CYP2C18: variants seen among roughly 807,000 people sequenced by gnomAD.
CYP2C18 encodes cytochrome P450 2C18.
A neutral mutation model predicts 41.3 loss-of-function variants in CYP2C18; 38 were observed. The observed-to-expected ratio is 0.92, with a 90% CI of 0.71 to 1.21. CYP2C18 has a LOEUF of 1.21. Ranked by LOEUF, CYP2C18 falls within the 50% of genes most tolerant of loss-of-function variation. The pLI is 0.00. For missense variants in CYP2C18, 635 were observed against 591.4 expected (o/e 1.07, Z -0.77); for synonymous variants, 236 against 210.0 (o/e 1.12, Z -1.07).
rs571078555 is a variant in CYP2C18 at position 94,735,644 on chromosome 10, T to C, written c.*200T>C. 83 of 598,548 alleles carry C rather than the reference T, an allele frequency of 1.4e-4. No individual in the cohort carries two copies. Among genetic ancestry groups the C allele is most frequent in the Admixed American group, 6.5e-4 (22 of 33,814 alleles). 37.1% of individuals were successfully genotyped at this position (598,548 alleles called of 1,614,324 possible). A position where few individuals can be genotyped will look rare whatever the true frequency, so the allele number is the denominator to read the frequency against. On this transcript the variant is annotated 3_prime_UTR_variant, in exon 9 of 9. Coordinates refer to ENST00000285979, the MANE Select transcript of CYP2C18 (RefSeq NM_000772.3). ...GGTCACTTCCTAAATATATCTGCTATTCTCCATACTCTGTATCACTTGTAT... is the reference window on the plus strand; with the variant it reads ...GGTCACTTCCTAAATATATCTGCTACTCTCCATACTCTGTATCACTTGTAT...
At chr10:94,714,772 A>G (rs1025793179) in intron 5 of CYP2C18, among the ~76,000 whole-genome samples, 2 of 152,188 alleles carry the variant, frequency 1.3e-5, no homozygotes, top group African/African-American at 4.8e-5. Context: ...CTTGGGAAGT[A>G]TGGCCATTTT....
At chr10:94,689,764 ATTT>A (rs1182978406) in intron 3 of CYP2C18, among the ~76,000 whole-genome samples, 1 of 152,034 alleles carries the variant, frequency 6.6e-6, no homozygotes, top group Non-Finnish European at 1.5e-5. Flanking sequence ...TGCTCTGAAT[ATTT>A]TTTATTTGGG....
rs1846835988 is a variant in CYP2C18 at position 94,683,987 on chromosome 10, T to C, written c.168T>C (p.Asn56=). 1 of 1,598,678 alleles carries C rather than the reference T, an allele frequency of 6.3e-7. No homozygotes were observed. The highest frequency in any genetic ancestry group is 8.5e-7 in the Non-Finnish European group (1 of 1,171,416). The part of the protein sequence containing the change: ...DVKDMSKSLT[N]FSKVYGPVFT... ...AGGACATGAGCAAATCCTTAACCAATGTAAGTATGCTTTATGTTCCTCCAG... is the reference window on the plus strand; with the variant it reads ...AGGACATGAGCAAATCCTTAACCAACGTAAGTATGCTTTATGTTCCTCCAG... Residue 56 remains asparagine (N), a splice_region_variant and synonymous_variant, in exon 1 of 9, where the codon AAT becomes AAC. Coordinates refer to ENST00000285979, the MANE Select transcript of CYP2C18 (RefSeq NM_000772.3).
chr10:94,696,225 A>G (rs1485400972), intron 4 of CYP2C18, among the ~76,000 whole-genome samples: 3 of 152,170 alleles, frequency 2.0e-5, no homozygotes, highest in Non-Finnish European at 4.4e-5. Context: ...ACTGGGAGGC[A>G]CACCCCAGTA....
rs1214278437 is a variant in CYP2C18, at chr10:94,707,034, C to A, written c.819+74C>A. On this transcript the variant is annotated intron_variant, in intron 5 of 8. Transcript: ENST00000285979. ...TATAACGATTGCTTAAATAGTGAGGCAAGAAACACTTCATGAGCACTTTAT... is the reference window on the plus strand; with the variant it reads ...TATAACGATTGCTTAAATAGTGAGGAAAGAAACACTTCATGAGCACTTTAT... 7 of 1,291,972 alleles carry A rather than the reference C, an allele frequency of 5.4e-6. No homozygotes were observed. In the Admixed American group the frequency reaches 1.3e-4, roughly 24 times the overall value. The allele number at this position is 1,291,972 out of a possible 1,614,324, so 80.0% of individuals were successfully genotyped here.
At chr10:94,705,358 T>C (rs1428152665) in intron 4 of CYP2C18, among the ~76,000 whole-genome samples, 1 of 152,080 alleles carries the variant, frequency 6.6e-6, no homozygotes, top group Non-Finnish European at 1.5e-5. Context: ...CTAGGGCCTG[T>C]CCGGGGTGTT....
chr10:94,719,975 G>T (rs1395997704), intron 5 of CYP2C18, among the ~76,000 whole-genome samples: 2 of 152,066 alleles, frequency 1.3e-5, no homozygotes, highest in Admixed American at 6.6e-5. Flanking sequence ...GCATCCCAAA[G>T]TGTTGGGATT....
At chr10:94,699,986 A>G (rs1847203246) in intron 4 of CYP2C18, among the ~76,000 whole-genome samples, 1 of 152,216 alleles carries the variant, frequency 6.6e-6, no homozygotes, top group Non-Finnish European at 1.5e-5. Context: ...GAGGACACAA[A>G]CAAATGGAGG....
intron 4 of CYP2C18, among the ~76,000 whole-genome samples, chr10:94,705,192 T>A (rs1307206660): frequency 6.6e-6 from 1 of 152,048 alleles, no homozygotes. Flanking sequence ...TAAAAAGGAA[T>A]GAGATTATGT....
intron 5 of CYP2C18, among the ~76,000 whole-genome samples, chr10:94,712,254 T>G (rs2134195092): frequency 6.6e-6 from 1 of 151,840 alleles, no homozygotes; most frequent in African/African-American, 2.4e-5. Context: ...TATATTCAAC[T>G]GGCTGTGCAA....
chr10:94,729,694 GA>G (rs1215645857), intron 7 of CYP2C18, among the ~76,000 whole-genome samples: 1 of 152,068 alleles, frequency 6.6e-6, no homozygotes, highest in East Asian at 1.9e-4. Flanking sequence ...GTGGCTAAGA[GA>G]ACTCAATTTC....
Position 94,695,250 on chromosome 10 carries a change from G to A in CYP2C18, c.642+173G>A, listed in dbSNP as rs150735398. Among the ~76,000 whole-genome samples the A allele has an allele frequency of 3.5e-3, 540 of 152,164 alleles. 2 individuals carry two copies. The highest frequency in any genetic ancestry group is 0.012 in the African/African-American group (513 of 41,524). On this transcript the variant is annotated intron_variant, in intron 4 of 8. Coordinates refer to ENST00000285979, the MANE Select transcript of CYP2C18 (RefSeq NM_000772.3). The stretch of plus-strand genomic sequence containing the variant: ...GGTGGTTTGCTGCACCCATTAACCC[G>A]TCATCTATATTAGGTATTTCTCCTA...
intron 1 of CYP2C18, among the ~76,000 whole-genome samples, chr10:94,685,177 G>A (rs554554849): frequency 2.0e-5 from 3 of 152,040 alleles, no homozygotes; most frequent in African/African-American, 7.2e-5. Flanking sequence ...GGGGCTACAG[G>A]TGTATGCCAC....
chr10:94,717,382 G>T (rs959356023), intron 5 of CYP2C18, among the ~76,000 whole-genome samples: 1 of 152,094 alleles, frequency 6.6e-6, no homozygotes, highest in Non-Finnish European at 1.5e-5. Context: ...GCATGGTGGT[G>T]ACAAAATCTC....
chr10:94,728,078 C>A (rs1286385603), intron 7 of CYP2C18, among the ~76,000 whole-genome samples: 3 of 152,024 alleles, frequency 2.0e-5, no homozygotes, highest in African/African-American at 4.8e-5. Context: ...AGTCAAGGAA[C>A]AAGCTTTTAA....
At chr10:94,723,284 T>C (rs1847677422) in intron 6 of CYP2C18, among the ~76,000 whole-genome samples, 1 of 152,092 alleles carries the variant, frequency 6.6e-6, no homozygotes, top group African/African-American at 2.4e-5. Context: ...GGAGATCTCA[T>C]GTAGGAGGAT....
chr10:94,714,580 G>A (rs1043802972), intron 5 of CYP2C18, among the ~76,000 whole-genome samples: 1 of 152,152 alleles, frequency 6.6e-6, no homozygotes, highest in Non-Finnish European at 1.5e-5. Flanking sequence ...GGTTACTGTA[G>A]CCTTGTAGTA....
In CYP2C18 at chr10:94,706,888, A is replaced by C. The variant is rs1364637940; in HGVS notation, c.747A>C (p.Lys249Asn). 1 of 1,612,822 alleles carries C rather than the reference A, an allele frequency of 6.2e-7. No individual in the cohort carries two copies. The highest frequency in any genetic ancestry group is 8.5e-7 in the Non-Finnish European group (1 of 1,179,308). ...YIKSYVLERI[K>N]EHQESLDMNS... Reference sequence around the variant, plus strand: ...AAAGTTATGTATTGGAGAGAATAAAAGAACATCAAGAATCCCTGGACATGA... The same window carrying C: ...AAAGTTATGTATTGGAGAGAATAAACGAACATCAAGAATCCCTGGACATGA... The change falls in exon 5 of 9, where the codon AAA (lysine) becomes AAC (asparagine). Residue 249 changes from lysine to asparagine, a missense_variant. Transcript: ENST00000285979.
At chr10:94,724,320 A>G (rs1197111849) in intron 6 of CYP2C18, 26 bp from the exon 7 acceptor site, 6 of 1,611,500 alleles carry the variant, frequency 3.7e-6, no homozygotes, top group Admixed American at 3.3e-5. Flanking sequence ...CTCCTTTTCC[A>G]TCATTTCTTA....
Sources: gnomAD v4.1 joint callset for allele counts (sites outside exome capture counted in the v4.1 genomes callset) on GRCh38, gnomAD v4.1.1 for gene constraint, MANE v1.5 for transcripts, NCBI Gene and HGNC (gene_info 2026-07-23, HGNC 2026-07-21) for gene names.